Variants in TMCO6 observed in about 807,000 individuals in gnomAD.
TMCO6 encodes transmembrane and coiled-coil domain-containing protein 6.
A neutral mutation model predicts 61.8 loss-of-function variants in TMCO6; 47 were observed. The observed-to-expected ratio is 0.76, with a 90% CI of 0.60 to 0.97. The LOEUF (loss-of-function observed/expected upper bound fraction) is 0.97, where lower values mean the gene tolerates loss of function less well. TMCO6 is among the 50% of genes least tolerant of loss of function. The pLI, the probability that TMCO6 is intolerant of heterozygous loss-of-function variation, is 0.00. For synonymous variants in TMCO6, 261 were observed against 254.2 expected, an observed-to-expected ratio of 1.03 and a Z score of -0.25; for missense variants, 557 against 601.6, an observed-to-expected ratio of 0.93 and a Z score of 0.78.
At chr5:140,639,366 T>C (rs114979942), upstream of TMCO6, 4,042 of 666,198 alleles carry the variant, frequency 6.1e-3, 135 homozygotes, top group African/African-American at 0.067. Context: ...CCGCGAGGCG[T>C]CCACTCGCCG....
At chr5:140,633,099 C>G in the TMCO6 span, 1 of 1,613,964 alleles carries the variant, frequency 6.2e-7, no homozygotes, top group Non-Finnish European at 8.5e-7. Flanking sequence ...AACCTCTGAG[C>G]TCCGGACAGG....
chr5:140,639,669 C>A, intron 1 of TMCO6, 57 bp downstream of exon 1: 2 of 1,543,936 alleles, frequency 1.3e-6, no homozygotes, highest in South Asian at 1.2e-5. Context: ...AGTTGAGACC[C>A]CAGGCTCGGA....
At chr5:140,622,616 CTG>C in the TMCO6 span, among the ~76,000 whole-genome samples, 2 of 150,826 alleles carry the variant, frequency 1.3e-5, no homozygotes, top group African/African-American at 2.4e-5. Flanking sequence ...CATGGAAAGA[CTG>C]TGTGAAGAAT....
chr5:140,642,860 C>T (rs1757127906), intron 6 of TMCO6, 65 bp from the exon 7 acceptor site: 1 of 1,612,430 alleles, frequency 6.2e-7, no homozygotes, highest in East Asian at 2.2e-5. Context: ...CACCTGCTAT[C>T]AGGGTTTGGT....
chr5:140,636,564 G>T (rs1756775679), upstream of TMCO6, among the ~76,000 whole-genome samples: 1 of 151,980 alleles, frequency 6.6e-6, no homozygotes, highest in Admixed American at 6.5e-5. Context: ...AAAAAAAGAA[G>T]CCAGACAGTT....
downstream of TMCO6, chr5:140,645,522 A>C (rs762787583): frequency 1.3e-6 from 2 of 1,595,036 alleles, no homozygotes; most frequent in Non-Finnish European, 1.7e-6. Context: ...CATTTTTTTC[A>C]CATTATACTA....
At chr5:140,617,508 A>G in the TMCO6 span, among the ~76,000 whole-genome samples, 4 of 152,122 alleles carry the variant, frequency 2.6e-5, no homozygotes, top group African/African-American at 9.7e-5. Flanking sequence ...CCGAGATCGC[A>G]CCCTGTACTC....
rs200602448 is a variant in TMCO6, at chr5:140,642,998, G to T, written c.763G>T (p.Val255Phe). The T allele has an allele frequency of 1.9e-6, 3 of 1,614,224 alleles. No individual in the cohort carries two copies. The African/African-American group carries it at 4.0e-5, about 22-fold the overall frequency. Residue 255 changes from valine (V) to phenylalanine (F), a missense_variant, in exon 7 of 12, where the codon GTC becomes TTC. Physicochemically the swap from Val to Phe is conservative, Grantham distance 50. Transcript: ENST00000394671. ...ACCTGGCCCAAAGCTCAACCCTGGG[G>T]TCGCTGTGGAGTTTGCCTGGTGCCT... ...LQPGPKLNPGVAVEFAWCLHY... is the reference protein window; with the variant it reads ...LQPGPKLNPGFAVEFAWCLHY...
chr5:140,641,133 A>C (rs1757003172), intron 2 of TMCO6: 1 of 155,582 alleles, frequency 6.4e-6, no homozygotes, highest in Admixed American at 6.4e-5. Flanking sequence ...CATGAGGAAC[A>C]AGAGAAACTC....
the TMCO6 span, among the ~76,000 whole-genome samples, chr5:140,612,334 CTTTTTTTTT>C: frequency 2.2e-4 from 25 of 112,226 alleles, no homozygotes; most frequent in South Asian, 5.4e-4. Flanking sequence ...CTTGCCCAAT[CTTTTTTTTT>C]TTTTTTTTTT....
chr5:140,599,831 G>A, the TMCO6 span, among the ~76,000 whole-genome samples: 3 of 152,076 alleles, frequency 2.0e-5, no homozygotes, highest in African/African-American at 7.2e-5. Context: ...AACCTGGGAG[G>A]CGGAGGTTAC....
At chr5:140,632,241 C>T in the TMCO6 span, 2 of 1,613,438 alleles carry the variant, frequency 1.2e-6, no homozygotes, top group Non-Finnish European at 1.7e-6. The surrounding 1 kb of genome is among the most constrained non-coding windows in gnomAD (Gnocchi z 6.2). Context: ...GGGCTGCACA[C>T]CTGCCGCCGC....
rs1358175874 is a variant in TMCO6, at chr5:140,645,011, A to G, written c.1395A>G (p.Ser465=). ...CTGTTCAGGTCTTCCTGCAGCAGTC[A>G]GGGCTGCAAGCCCTGGAAAGGCATC... ...PEAVQVFLQQ[S]GLQALERHQE... is the part of the protein sequence containing the mutation. Residue 465 remains serine (S), a synonymous_variant, in exon 12 of 12, where the codon TCA becomes TCG. Coordinates refer to ENST00000394671, the MANE Select transcript of TMCO6 (RefSeq NM_018502.5). The G allele has an allele frequency of 6.8e-6, 11 of 1,614,124 alleles. No individual in the cohort carries two copies. Among genetic ancestry groups the G allele is most frequent in the Non-Finnish European group, 9.3e-6 (11 of 1,180,056 alleles).
In TMCO6 at chr5:140,645,365, G is replaced by C; in HGVS notation, c.*267G>C. The C allele has an allele frequency of 3.9e-6, 3 of 772,042 alleles. No individual in the cohort carries two copies. The South Asian group carries it at 4.4e-5, about 11-fold the overall frequency. 47.8% of individuals were successfully genotyped at this position (772,042 alleles called of 1,614,324 possible). A position where few individuals can be genotyped will look rare whatever the true frequency, so the allele number is the denominator to read the frequency against. ...TTCATGTTTGCTTCAGCAGCTGGTA[G>C]CTTTTGATGAGACAGAATAAAGTTT... On this transcript the variant is annotated 3_prime_UTR_variant, in exon 12 of 12. Coordinates refer to ENST00000394671, the MANE Select transcript of TMCO6 (RefSeq NM_018502.5).
At chr5:140,629,901 C>T in the TMCO6 span, among the ~76,000 whole-genome samples, 1 of 149,176 alleles carries the variant, frequency 6.7e-6, no homozygotes, top group Admixed American at 6.7e-5. Context: ...CCATTGCACT[C>T]CAGCCTGGGC....
At chr5:140,638,283 G>A (rs5744438), upstream of TMCO6, among the ~76,000 whole-genome samples, 1 of 152,136 alleles carries the variant, frequency 6.6e-6, no homozygotes, top group Non-Finnish European at 1.5e-5. Flanking sequence ...ATGTGGGCAC[G>A]TAAAAGAAAG....
At chr5:140,631,712 T>G in the TMCO6 span, 1 of 771,542 alleles carries the variant, frequency 1.3e-6, no homozygotes, top group Non-Finnish European at 2.1e-6. Flanking sequence ...TAAAGGTCTG[T>G]TAAATGAATG....
At chr5:140,642,728 T>A in intron 6 of TMCO6, 57 bp downstream of exon 6, 1 of 1,590,718 alleles carries the variant, frequency 6.3e-7, no homozygotes, top group Non-Finnish European at 8.6e-7. Context: ...GTAGTATAGC[T>A]CCCGGATGCC....
chr5:140,645,447 G>T, downstream of TMCO6: 1 of 1,110,402 alleles, frequency 9.0e-7, no homozygotes, highest in Non-Finnish European at 1.3e-6. Context: ...GTAGAGGGTA[G>T]ATGAGGACAA....
Sources: allele counts gnomAD v4.1 joint callset (sites outside exome capture counted in the v4.1 genomes callset), GRCh38; gene constraint gnomAD v4.1.1; non-coding constraint Gnocchi (gnomAD v3.1); transcripts MANE v1.5; gene names NCBI Gene and HGNC (gene_info 2026-07-23, HGNC 2026-07-21).